The following RGS6 variants were observed in gnomAD, a reference collection of about 807,000 sequenced individuals.
RGS6 encodes regulator of G protein signaling 6.
A neutral mutation model predicts 78.5 loss-of-function variants in RGS6; 30 were observed. The ratio of observed to expected loss-of-function variants is 0.38; its 90% confidence interval spans 0.29 to 0.52. The LOEUF is 0.52. Among genes scored for constraint, RGS6 ranks in the 20% least tolerant of loss-of-function variants. The probability of loss-of-function intolerance (pLI) is 0.85; values close to 1 mark genes in which losing one functional copy is unlikely to be tolerated. For synonymous variants in RGS6, 206 were observed against 206.0 expected (o/e 1.00, Z 0.00); for missense variants, 495 against 609.7 (o/e 0.81, Z 1.98).
At chr14:72,005,046 G>A (rs946131134) in intron 2 of RGS6, among the ~76,000 whole-genome samples, 2 of 152,180 alleles carry the variant, frequency 1.3e-5, no homozygotes, top group African/African-American at 4.8e-5. Context: ...ATGTAAAAAT[G>A]TGTGCATAAG....
intron 2 of RGS6, among the ~76,000 whole-genome samples, chr14:72,115,815 A>G (rs1365602300): frequency 1.3e-5 from 2 of 152,196 alleles, no homozygotes; most frequent in African/African-American, 2.4e-5. Flanking sequence ...AGCTAGGTTG[A>G]CTTGCTATAA....
At chr14:71,934,438 A>G (rs576799006) in intron 1 of RGS6, among the ~76,000 whole-genome samples, 6 of 152,318 alleles carry the variant, frequency 3.9e-5, no homozygotes, top group African/African-American at 1.4e-4. Flanking sequence ...ATTCTGGCAG[A>G]TCTTAACTTT....
At chr14:72,401,706 G>A (rs1038866151) in intron 3 of RGS6, among the ~76,000 whole-genome samples, 1 of 150,384 alleles carries the variant, frequency 6.6e-6, no homozygotes. Flanking sequence ...TTAAAAAGAT[G>A]CTTAAAATAA....
intron 13 of RGS6, among the ~76,000 whole-genome samples, chr14:72,502,307 C>T (rs932658187): frequency 1.5e-4 from 23 of 152,304 alleles, no homozygotes; most frequent in Non-Finnish European, 2.9e-5. Flanking sequence ...ATGCACAGCC[C>T]AGTCAAATCT....
In RGS6 at chr14:71,992,832, G is replaced by A. The variant is rs1403709981; in HGVS notation, c.84+27957G>A. Among the ~76,000 whole-genome samples the A allele has an allele frequency of 2.6e-5, 4 of 152,116 alleles. No homozygotes were observed. In the East Asian group the frequency reaches 5.8e-4, roughly 22 times the overall value. On this transcript the variant is annotated intron_variant, in intron 2 of 17. Transcript: ENST00000553525. ...TGTCTATAACAAGGACTCTTTTGACGCTTTGCTACTTTAATAGGTAAAACA... is the reference window on the plus strand; with the variant it reads ...TGTCTATAACAAGGACTCTTTTGACACTTTGCTACTTTAATAGGTAAAACA...
At chr14:72,395,991 A>C in intron 3 of RGS6, among the ~76,000 whole-genome samples, 1 of 152,152 alleles carries the variant, frequency 6.6e-6, no homozygotes, top group East Asian at 1.9e-4. Flanking sequence ...CGCAATAAAC[A>C]TACGTGAGCA....
intron 2 of RGS6, among the ~76,000 whole-genome samples, chr14:72,023,452 A>C (rs1158636359): frequency 6.6e-6 from 1 of 152,226 alleles, no homozygotes; most frequent in Non-Finnish European, 1.5e-5. Context: ...TTAAAACTAG[A>C]TATTCACTAG....
intron 10 of RGS6, among the ~76,000 whole-genome samples, chr14:72,475,012 C>A (rs1370984085): frequency 9.1e-6 from 1 of 110,056 alleles, no homozygotes; most frequent in Non-Finnish European, 1.7e-5. Flanking sequence ...TAAGCCAGAC[C>A]TGGAGTGGGT....
chr14:72,285,778 C>G (rs549924193), intron 2 of RGS6, among the ~76,000 whole-genome samples: 1 of 152,274 alleles, frequency 6.6e-6, no homozygotes, highest in African/African-American at 2.4e-5. Context: ...TGTTGACCAA[C>G]TTTTCATATA....
At chr14:72,123,110 G>A (rs2153574344) in intron 2 of RGS6, among the ~76,000 whole-genome samples, 1 of 152,242 alleles carries the variant, frequency 6.6e-6, no homozygotes, top group East Asian at 1.9e-4. Context: ...GGGATTATAG[G>A]TATGCACCAC....
chr14:72,226,360 A>G (rs1417256866), intron 2 of RGS6, among the ~76,000 whole-genome samples: 2 of 152,354 alleles, frequency 1.3e-5, no homozygotes, highest in Non-Finnish European at 2.9e-5. Context: ...TAAAATCTAG[A>G]TGTCATATCA....
At chr14:71,936,017 T>G (rs868577558) in intron 1 of RGS6, among the ~76,000 whole-genome samples, 9 of 114,410 alleles carry the variant, frequency 7.9e-5, no homozygotes, top group African/African-American at 2.7e-4. Flanking sequence ...ACTAATAGGA[T>G]ATATATATAT....
At chr14:72,300,230 C>G (rs1042423596) in intron 2 of RGS6, among the ~76,000 whole-genome samples, 3 of 151,672 alleles carry the variant, frequency 2.0e-5, no homozygotes, top group African/African-American at 7.3e-5. Flanking sequence ...ACTGCTTTAA[C>G]ATAGATTTCC....
intron 2 of RGS6, among the ~76,000 whole-genome samples, chr14:72,276,816 C>T (rs140723531): frequency 3.2e-3 from 487 of 152,006 alleles, no homozygotes; most frequent in Non-Finnish European, 5.6e-3. Context: ...ATAAATTACC[C>T]AGTCTCAGAT....
At chr14:72,121,200 C>T (rs924271913) in intron 2 of RGS6, among the ~76,000 whole-genome samples, 8 of 152,174 alleles carry the variant, frequency 5.3e-5, no homozygotes, top group South Asian at 2.1e-4. Context: ...ATTAACTTGA[C>T]GACACTGTGC....
In RGS6 at chr14:72,374,172, G is replaced by A. The variant is rs143743912; in HGVS notation, c.184+21978G>A. On this transcript the variant is annotated intron_variant, in intron 3 of 17. Transcript: ENST00000553525. ...TGTTACATATGTATACATGTGCCAT[G>A]TTGGTGTGCTGCACCCATTAACTCG... Among the ~76,000 whole-genome samples, 425 of 152,158 alleles carry A rather than the reference G, an allele frequency of 2.8e-3. 2 individuals are homozygous for A. The highest frequency in any genetic ancestry group is 9.8e-3 in the African/African-American group (407 of 41,516).
rs149581458 is a variant in RGS6 at position 71,994,033 on chromosome 14, C to A, written c.84+29158C>A. 3.6e-3 allele frequency among the ~76,000 whole-genome samples: 544 copies of A among 151,694 alleles called. 11 individuals are homozygous for A. Among genetic ancestry groups the A allele is most frequent in the Admixed American group, 0.031 (469 of 15,180 alleles). ...ATTTATATCCAAACTCCTTATCCTG[C>A]CAATTCAGGGTTCTGCAAACTGATG... On this transcript the variant is annotated intron_variant, in intron 2 of 17. Coordinates refer to ENST00000553525, the MANE Select transcript of RGS6 (RefSeq NM_001204424.2).
chr14:71,948,681 T>C (rs922352801), intron 1 of RGS6, among the ~76,000 whole-genome samples: 2 of 150,406 alleles, frequency 1.3e-5, no homozygotes, highest in Non-Finnish European at 3.0e-5. Flanking sequence ...TCCCAGTAAG[T>C]ACATATTTCT....
At chr14:71,900,002 A>G in the RGS6 span, among the ~76,000 whole-genome samples, 10 of 152,196 alleles carry the variant, frequency 6.6e-5, no homozygotes, top group African/African-American at 2.4e-4. Flanking sequence ...GTGTCCTGTT[A>G]ACTATTTCTT....
Sources: allele counts gnomAD v4.1 joint callset (sites outside exome capture counted in the v4.1 genomes callset), GRCh38; gene constraint gnomAD v4.1.1; transcripts MANE v1.5; gene names NCBI Gene and HGNC (gene_info 2026-07-23, HGNC 2026-07-21).